Variants in TEX11 observed in about 807,000 individuals in gnomAD.
TEX11 encodes the protein testis-expressed protein 11.
A neutral mutation model predicts 84.4 loss-of-function variants in TEX11; 7 were observed. The ratio of observed to expected loss-of-function variants is 0.08; its 90% CI spans 0.05 to 0.16. The LOEUF is 0.16. Ranked by LOEUF, TEX11 falls within the 10% of genes least tolerant of loss-of-function variation. TEX11 has a pLI of 1.00. For missense variants in TEX11, 551 were observed against 660.5 expected (o/e 0.83, Z 1.82); for synonymous variants, 264 against 222.8 (o/e 1.18, Z -1.64).
At chrX:70,521,497 G>A in the TEX11 span, among the ~76,000 whole-genome samples, 3 of 111,130 alleles carry the variant, frequency 2.7e-5, no homozygotes, top group Non-Finnish European at 5.7e-5. Context: ...GGCTCATCTC[G>A]AACTCCTGAC....
chrX:70,772,109 C>T (rs1222632516), intron 9 of TEX11, among the ~76,000 whole-genome samples: 1 of 111,795 alleles, frequency 8.9e-6, no homozygotes, highest in East Asian at 2.8e-4. Flanking sequence ...GGTCAGCATA[C>T]CTGAGAACTC....
intron 9 of TEX11, among the ~76,000 whole-genome samples, chrX:70,751,953 C>A (rs1432782379): frequency 8.9e-6 from 1 of 112,041 alleles, no homozygotes; most frequent in African/African-American, 3.2e-5. Context: ...TAAAAAAATT[C>A]TTAAGGTGTA....
intron 13 of TEX11, among the ~76,000 whole-genome samples, chrX:70,686,781 AG>A (rs2090193072): frequency 9.0e-6 from 1 of 111,344 alleles, no homozygotes; most frequent in African/African-American, 3.3e-5. Context: ...TAGTGTGTCC[AG>A]TGCAATAGCT....
chrX:70,713,066 T>C (rs1418665947), intron 13 of TEX11, among the ~76,000 whole-genome samples: 2 of 112,205 alleles, frequency 1.8e-5, no homozygotes, highest in East Asian at 5.6e-4. Context: ...TTTTTGTCAT[T>C]GGTTCTGTTT....
intron 16 of TEX11, among the ~76,000 whole-genome samples, chrX:70,667,237 T>TG (rs1425576683): frequency 2.7e-5 from 3 of 112,064 alleles, no homozygotes; most frequent in Non-Finnish European, 5.6e-5. Context: ...ACAACAGAGT[T>TG]GATTAGTTTC....
At chrX:70,746,104 A>G (rs1399520965) in intron 9 of TEX11, among the ~76,000 whole-genome samples, 4 of 111,860 alleles carry the variant, frequency 3.6e-5, no homozygotes, top group African/African-American at 1.3e-4. Context: ...GTGAGAGTCT[A>G]TGGCATTTGA....
chrX:70,540,674 G>C (rs1004043710), intron 28 of TEX11, among the ~76,000 whole-genome samples: 2 of 110,916 alleles, frequency 1.8e-5, no homozygotes, highest in African/African-American at 6.6e-5. Context: ...ATGTAAAACT[G>C]AGTGAACAAC....
chrX:70,903,838 AT>A (rs1307354160), intron 2 of TEX11, among the ~76,000 whole-genome samples: 9 of 105,837 alleles, frequency 8.5e-5, no homozygotes, highest in South Asian at 4.5e-4. Flanking sequence ...CTGGTCTTGA[AT>A]TTTTTTTTTA....
chrX:70,565,920 G>GT (rs2088466265), intron 25 of TEX11, among the ~76,000 whole-genome samples: 1 of 110,355 alleles, frequency 9.1e-6, no homozygotes, highest in African/African-American at 3.3e-5. Context: ...CTTTAAAGTA[G>GT]TTTTTTCCAA....
chrX:70,751,610 G>T (rs1602098177), intron 9 of TEX11, among the ~76,000 whole-genome samples: 1 of 109,574 alleles, frequency 9.1e-6, no homozygotes, highest in East Asian at 2.9e-4. Context: ...CTGTGCACTT[G>T]TACCCTAAAA....
At chrX:70,826,298 C>T (rs776780336) in intron 8 of TEX11, among the ~76,000 whole-genome samples, 133 of 99,538 alleles carry the variant, frequency 1.3e-3, no homozygotes, top group African/African-American at 4.9e-3. Flanking sequence ...GCAACAAGAG[C>T]GAAACTCCTT....
intron 28 of TEX11, among the ~76,000 whole-genome samples, chrX:70,532,747 A>T (rs1365376606): frequency 3.6e-5 from 4 of 109,857 alleles, no homozygotes; most frequent in South Asian, 8.0e-4. Flanking sequence ...GTCTCAAAAA[A>T]TAAAATAAAG....
At chrX:70,513,511 C>T in the TEX11 span, among the ~76,000 whole-genome samples, 7 of 105,666 alleles carry the variant, frequency 6.6e-5, no homozygotes, top group Non-Finnish European at 1.4e-4. Flanking sequence ...TTATTTTTGA[C>T]ATGGGATTGT....
intron 25 of TEX11, among the ~76,000 whole-genome samples, chrX:70,574,120 T>C (rs2088641677): frequency 1.8e-5 from 2 of 112,237 alleles, no homozygotes; most frequent in Admixed American, 9.5e-5. Flanking sequence ...ATAAAATAAA[T>C]AGTTTTAAGA....
chrX:70,539,449 G>A (rs1261949557), intron 28 of TEX11, among the ~76,000 whole-genome samples: 1 of 110,957 alleles, frequency 9.0e-6, no homozygotes, highest in African/African-American at 3.3e-5. Flanking sequence ...CTTAGAGAAT[G>A]TAGCTCAGTA....
At chrX:70,638,542 G>C (rs1425377090) in intron 17 of TEX11, among the ~76,000 whole-genome samples, 2 of 111,037 alleles carry the variant, frequency 1.8e-5, no homozygotes, top group Non-Finnish European at 3.8e-5. Context: ...GCTCACACCT[G>C]TAATCCCAGC....
At chrX:70,686,186 G>A (rs944847558) in intron 13 of TEX11, among the ~76,000 whole-genome samples, 12 of 111,595 alleles carry the variant, frequency 1.1e-4, no homozygotes, top group African/African-American at 3.9e-4. Flanking sequence ...TCCCATTACT[G>A]GGTATATACC....
rs781735348 is a variant in TEX11 at position 70,553,319 on chromosome X, T to C, written c.2386A>G (p.Ile796Val). The change falls in exon 27 of 30, where the codon ATA becomes GTA. Residue 796 changes from isoleucine (I) to valine (V), a missense_variant. Transcript: ENST00000374333. ...LLYKKEEPID[I>V]SQYSKCMHNL... ...GTATTTACTAACCTGTATTGTGATA[T>C]ATCAATTGGTTCTTCCTTTTTGTAG... is the stretch of plus-strand genomic sequence containing the variant. 9 of 1,194,701 alleles carry C rather than the reference T, an allele frequency of 7.5e-6. No individual in the cohort carries two copies. In the South Asian group the frequency reaches 1.6e-4, roughly 22 times the overall value.
intron 25 of TEX11, among the ~76,000 whole-genome samples, chrX:70,588,914 C>A (rs1246231160): frequency 3.3e-5 from 3 of 90,401 alleles, no homozygotes; most frequent in African/African-American, 8.4e-5. Context: ...TCCTAAGCAA[C>A]AGACCAAAAC....
Sources: gnomAD v4.1 joint callset for allele counts (sites outside exome capture counted in the v4.1 genomes callset) on GRCh38, gnomAD v4.1.1 for gene constraint, MANE v1.5 for transcripts, NCBI Gene and HGNC (gene_info 2026-07-23, HGNC 2026-07-21) for gene names.